The following STAC variants were observed in gnomAD, a reference collection of about 807,000 sequenced individuals.
The protein encoded by STAC is SH3 and cysteine rich domain.
Under a neutral mutation model 48.8 loss-of-function variants are expected in STAC, and 43 were observed. The observed-to-expected ratio is 0.88, with a 90% CI of 0.69 to 1.14. The LOEUF is 1.14. Ranked by LOEUF, STAC falls within the 50% of genes most tolerant of loss-of-function variation. The pLI is 0.00. For synonymous variants in STAC, 193 were observed against 179.5 expected (o/e 1.07, Z -0.60); for missense variants, 497 against 504.0 (o/e 0.99, Z 0.13).
intron 2 of STAC, among the ~76,000 whole-genome samples, chr3:36,479,474 A>G (rs1220440323): frequency 1.3e-5 from 2 of 152,150 alleles, no homozygotes; most frequent in African/African-American, 2.4e-5. Context: ...TTGTTTTTAA[A>G]TTCCTGGACT....
chr3:36,528,064 A>G (rs1449494303), intron 8 of STAC, among the ~76,000 whole-genome samples: 1 of 152,226 alleles, frequency 6.6e-6, no homozygotes, highest in African/African-American at 2.4e-5. Context: ...TGTGGGAAGG[A>G]GTCTAGAAGG....
intron 1 of STAC, among the ~76,000 whole-genome samples, chr3:36,430,803 T>C (rs1207046114): frequency 6.6e-6 from 1 of 152,220 alleles, no homozygotes; most frequent in Non-Finnish European, 1.5e-5. Context: ...ACCTTCTCAC[T>C]GTGTCCTCAC....
intron 3 of STAC, 39 bp downstream of exon 3, chr3:36,483,131 G>C: frequency 6.7e-7 from 1 of 1,490,310 alleles, no homozygotes; most frequent in Non-Finnish European, 9.3e-7. Context: ...ACACCTCTCT[G>C]CTAGGGCACT....
chr3:36,490,941 G>T (rs984633550), intron 5 of STAC, among the ~76,000 whole-genome samples: 2 of 152,224 alleles, frequency 1.3e-5, no homozygotes, highest in African/African-American at 4.8e-5. Context: ...TCCACCAGTA[G>T]ATATTTGTTG....
chr3:36,460,510 T>A (rs1696986103), intron 2 of STAC, among the ~76,000 whole-genome samples: 1 of 152,294 alleles, frequency 6.6e-6, no homozygotes, highest in South Asian at 2.1e-4. Context: ...CTGGCAACCC[T>A]ACCCCCAGGG....
At chr3:36,455,695 A>C (rs1696833347) in intron 2 of STAC, among the ~76,000 whole-genome samples, 1 of 152,108 alleles carries the variant, frequency 6.6e-6, no homozygotes, top group African/African-American at 2.4e-5. Context: ...AAAATGACAG[A>C]ACTGGGCCGG....
intron 10 of STAC, among the ~76,000 whole-genome samples, chr3:36,534,838 G>T (rs1450811764): frequency 1.3e-5 from 2 of 151,952 alleles, no homozygotes; most frequent in South Asian, 2.1e-4. Context: ...GATGATTTTT[G>T]TATTTAATGT....
chr3:36,401,215 G>C (rs907788258), intron 1 of STAC, among the ~76,000 whole-genome samples: 6 of 152,160 alleles, frequency 3.9e-5, no homozygotes, highest in African/African-American at 1.4e-4. Flanking sequence ...GGTCAGCCAG[G>C]TCATGAAAGA....
intron 1 of STAC, among the ~76,000 whole-genome samples, chr3:36,416,976 T>G (rs1271061976): frequency 2.0e-5 from 3 of 152,160 alleles, no homozygotes; most frequent in Non-Finnish European, 4.4e-5. Flanking sequence ...TCAGGAAACT[T>G]CCCTGCATTT....
In STAC at chr3:36,505,806, C is replaced by A; in HGVS notation, c.892C>A (p.Pro298Thr). 6.2e-7 allele frequency: 1 copy of A among 1,604,646 alleles called. No individual in the cohort carries two copies. Among genetic ancestry groups the A allele is most frequent in the Non-Finnish European group, 8.5e-7 (1 of 1,176,056 alleles). Reference sequence around the variant, plus strand: ...CTATGTTGCCTTGTACAAATTTGTACCACAGGAGAATGAAGATTTGGAAAT... The same window carrying A: ...CTATGTTGCCTTGTACAAATTTGTAACACAGGAGAATGAAGATTTGGAAAT... ...NTYVALYKFV[P>T]QENEDLEMRP... is the part of the protein sequence containing the mutation. The change falls in exon 8 of 11, where the codon CCA becomes ACA. Residue 298 changes from proline to threonine, a missense_variant. Coordinates refer to ENST00000273183, the MANE Select transcript of STAC (RefSeq NM_003149.3).
chr3:36,482,983 A>T lies in STAC; in HGVS notation c.389-9A>T, dbSNP rs749329029. 3.1e-6 allele frequency: 5 copies of T among 1,608,378 alleles called. No homozygotes were observed. Among genetic ancestry groups the T allele is most frequent in the Non-Finnish European group, 3.4e-6 (4 of 1,174,860 alleles). On this transcript the variant is annotated splice_polypyrimidine_tract_variant and intron_variant, in intron 2 of 10. Transcript: ENST00000273183. ...GTATCCTAACCAAAGTTTGCCATGT[A>T]CCTGACAGGAACAAATGCTAAGCAT...
chr3:36,485,965 G>T, intron 4 of STAC, 169 bp from the exon 5 acceptor site: 2 of 593,014 alleles, frequency 3.4e-6, no homozygotes, highest in Non-Finnish European at 6.0e-6. Flanking sequence ...TGCTGGGTGG[G>T]GGTGCATCTG....
chr3:36,490,039 A>G (rs1697926118), intron 5 of STAC, among the ~76,000 whole-genome samples: 1 of 152,230 alleles, frequency 6.6e-6, no homozygotes, highest in Admixed American at 6.5e-5. Context: ...ATTCTGATGC[A>G]CATTAAAGTT....
chr3:36,543,020 G>T (rs774400774), intron 10 of STAC, among the ~76,000 whole-genome samples: 72 of 152,142 alleles, frequency 4.7e-4, no homozygotes, highest in Non-Finnish European at 8.8e-4. Flanking sequence ...TTCTGCTAGG[G>T]AGATCAACTG....
intron 1 of STAC, among the ~76,000 whole-genome samples, chr3:36,437,012 A>C (rs1397453111): frequency 3.3e-5 from 5 of 151,830 alleles, no homozygotes; most frequent in African/African-American, 1.2e-4. Flanking sequence ...GCAGCCAAAA[A>C]ACACATGAAA....
At chr3:36,508,570 T>C (rs1395775189) in intron 8 of STAC, among the ~76,000 whole-genome samples, 1 of 152,146 alleles carries the variant, frequency 6.6e-6, no homozygotes, top group African/African-American at 2.4e-5. Context: ...TCTCTGTAGG[T>C]CTCTAAGAAC....
At chr3:36,498,581 C>T (rs1029529486) in intron 6 of STAC, among the ~76,000 whole-genome samples, 1 of 152,088 alleles carries the variant, frequency 6.6e-6, no homozygotes, top group African/African-American at 2.4e-5. Context: ...TTGTGAAACT[C>T]CATCTTTACA....
In STAC at chr3:36,505,814, G is replaced by A. The variant is rs202004976; in HGVS notation, c.900G>A (p.Glu300=). ...YVALYKFVPQ[E]NEDLEMRPGD... ...CCTTGTACAAATTTGTACCACAGGAGAATGAAGATTTGGAAATGAGGTAAA... is the reference window on the plus strand; with the variant it reads ...CCTTGTACAAATTTGTACCACAGGAAAATGAAGATTTGGAAATGAGGTAAA... The change falls in exon 8 of 11, where the codon GAG becomes GAA. Residue 300 remains glutamate (E), a synonymous_variant. Transcript: ENST00000273183. The A allele has an allele frequency of 1.1e-5, 17 of 1,605,324 alleles. No individual in the cohort carries two copies. The highest frequency in any genetic ancestry group is 1.4e-5 in the Non-Finnish European group (16 of 1,176,576).
intron 8 of STAC, among the ~76,000 whole-genome samples, chr3:36,521,016 G>T (rs181804579): frequency 6.6e-6 from 1 of 152,222 alleles, no homozygotes; most frequent in Admixed American, 6.5e-5. Context: ...GACTGTAAAA[G>T]ATTCTGGACC....
Sources: allele counts gnomAD v4.1 joint callset (sites outside exome capture counted in the v4.1 genomes callset), GRCh38; gene constraint gnomAD v4.1.1; transcripts MANE v1.5; gene names NCBI Gene and HGNC (gene_info 2026-07-23, HGNC 2026-07-21).